Variants in CLVS1 observed in about 807,000 individuals in gnomAD.
CLVS1 encodes the protein clavesin 1.
In CLVS1, 10 loss-of-function variants were observed where a neutral mutation model predicts 33.1. The ratio of observed to expected loss-of-function variants is 0.30; its 90% CI spans 0.19 to 0.51. CLVS1 has a LOEUF of 0.51. Among genes scored for constraint, CLVS1 ranks in the 20% least tolerant of loss-of-function variants. CLVS1 has a pLI of 0.97. For synonymous variants in CLVS1, 163 were observed against 166.1 expected (o/e 0.98, Z 0.14); for missense variants, 343 against 433.4 (o/e 0.79, Z 1.85).
Position 61,136,969 on chromosome 8 carries a change from A to C in CLVS1, c.-152+5109A>C, listed in dbSNP as rs528646432. On this transcript the variant is annotated intron_variant, in intron 2 of 2. Coordinates refer to the CLVS1 transcript ENST00000522621. ...CTGGCTCCTGATGAAGTGTGGTGTC[A>C]TGGAAGAGAATGTGATCAATGAGGA... Among the ~76,000 whole-genome samples, 11 of 152,336 alleles carry C rather than the reference A, an allele frequency of 7.2e-5. No individual in the cohort carries two copies. In the Middle Eastern group the frequency reaches 0.01, roughly 141 times the overall value.
At chr8:61,422,500 A>C (rs1294930026) in intron 3 of CLVS1, among the ~76,000 whole-genome samples, 1 of 152,206 alleles carries the variant, frequency 6.6e-6, no homozygotes, top group Non-Finnish European at 1.5e-5. Context: ...CTTGATAAAA[A>C]ATTATCCTTA....
At chr8:61,233,501 C>T (rs560068724) in intron 2 of CLVS1, among the ~76,000 whole-genome samples, 528 of 133,662 alleles carry the variant, frequency 4.0e-3, no homozygotes, top group African/African-American at 0.013. Context: ...AAAAGACAGA[C>T]TCTGTATCAA....
At position 61,208,995 on chromosome 8, in the gene CLVS1, A is replaced by G. The variant is rs190760076; in HGVS notation, c.-152+77135A>G. On this transcript the variant is annotated intron_variant, in intron 2 of 2. Coordinates refer to the CLVS1 transcript ENST00000522621. Reference sequence around the variant, plus strand: ...AAAATAGTGTAAAAGACACAAAGTGATTACACAAAAACTAGCCAGTTGATA... The same window carrying G: ...AAAATAGTGTAAAAGACACAAAGTGGTTACACAAAAACTAGCCAGTTGATA... Among the ~76,000 whole-genome samples the G allele has an allele frequency of 8.5e-5, 13 of 152,314 alleles. No individual in the cohort carries two copies. In the East Asian group the frequency reaches 2.1e-3, roughly 25 times the overall value.
the CLVS1 span, among the ~76,000 whole-genome samples, chr8:61,010,147 G>A: frequency 5.5e-4 from 83 of 152,232 alleles, no homozygotes; most frequent in South Asian, 5.0e-3. Flanking sequence ...GCCTACTCTT[G>A]CTCCATTCAC....
At chr8:61,386,557 C>A (rs990344551) in intron 3 of CLVS1, among the ~76,000 whole-genome samples, 17 of 152,186 alleles carry the variant, frequency 1.1e-4, no homozygotes, top group African/African-American at 3.9e-4. Flanking sequence ...GGTACCCAGG[C>A]AATCCTGCCA....
chr8:61,309,612 T>C (rs932793508), intron 2 of CLVS1, among the ~76,000 whole-genome samples: 2 of 152,226 alleles, frequency 1.3e-5, no homozygotes, highest in African/African-American at 2.4e-5. Flanking sequence ...CACTTGCCCT[T>C]GTTTCTGGGA....
At chr8:61,055,540 A>G (rs1804461036), upstream of CLVS1, among the ~76,000 whole-genome samples, 1 of 152,230 alleles carries the variant, frequency 6.6e-6, no homozygotes, top group Admixed American at 6.5e-5. Context: ...TGGTGCCATA[A>G]TTGAATTCTC....
At chr8:60,972,145 C>T in the CLVS1 span, among the ~76,000 whole-genome samples, 54 of 152,140 alleles carry the variant, frequency 3.5e-4, no homozygotes, top group Non-Finnish European at 7.2e-4. Context: ...CTCTCTCTCT[C>T]TCTATGCTGT....
At chr8:61,215,011 C>T (rs189221719) in intron 2 of CLVS1, among the ~76,000 whole-genome samples, 157 of 152,246 alleles carry the variant, frequency 1.0e-3, no homozygotes, top group African/African-American at 3.6e-3. Context: ...GCTGTAATTC[C>T]TATTGTGTAA....
chr8:61,444,313 G>A (rs1816676303), intron 3 of CLVS1, among the ~76,000 whole-genome samples: 2 of 152,000 alleles, frequency 1.3e-5, no homozygotes, highest in South Asian at 4.1e-4. Context: ...TCCTGTTGTT[G>A]GGGAAAAACA....
chr8:61,113,327 G>C (rs577900333), intron 1 of CLVS1, among the ~76,000 whole-genome samples: 2 of 152,204 alleles, frequency 1.3e-5, no homozygotes, highest in African/African-American at 4.8e-5. Context: ...CCCACAGGCT[G>C]CTGAGTCCTA....
intron 2 of CLVS1, among the ~76,000 whole-genome samples, chr8:61,353,780 G>GGAA (rs928656286): frequency 6.7e-6 from 1 of 148,460 alleles, no homozygotes; most frequent in African/African-American, 2.5e-5. Flanking sequence ...AAAACAAATA[G>GGAA]AAAATCCATG....
chr8:61,154,562 C>T (rs538871195), intron 2 of CLVS1, among the ~76,000 whole-genome samples: 5 of 152,296 alleles, frequency 3.3e-5, no homozygotes, highest in Middle Eastern at 3.4e-3. Context: ...GAGTTTGCCA[C>T]GGACTTGAGA....
the CLVS1 span, among the ~76,000 whole-genome samples, chr8:61,036,582 C>A: frequency 6.6e-6 from 1 of 152,210 alleles, no homozygotes; most frequent in Non-Finnish European, 1.5e-5. Flanking sequence ...TCTCCTCCCC[C>A]TCCTCTTCCC....
At chr8:60,976,462 A>AT in the CLVS1 span, among the ~76,000 whole-genome samples, 1 of 151,560 alleles carries the variant, frequency 6.6e-6, no homozygotes, top group Non-Finnish European at 1.5e-5. Flanking sequence ...GGCTCAAGCA[A>AT]TTTTCCTGCC....
intron 3 of CLVS1, among the ~76,000 whole-genome samples, chr8:61,431,410 A>G (rs1248194906): frequency 6.6e-6 from 1 of 152,166 alleles, no homozygotes; most frequent in East Asian, 1.9e-4. Flanking sequence ...TCTTTTTTGT[A>G]TGTGGAAACC....
chr8:61,165,105 C>G (rs1053218663), intron 2 of CLVS1, among the ~76,000 whole-genome samples: 3 of 152,228 alleles, frequency 2.0e-5, no homozygotes, highest in African/African-American at 7.2e-5. Flanking sequence ...TAGGACAAAC[C>G]CAGGCACTTA....
At chr8:61,250,370 C>G (rs1047908356) in intron 2 of CLVS1, among the ~76,000 whole-genome samples, 1 of 152,108 alleles carries the variant, frequency 6.6e-6, no homozygotes, top group Admixed American at 6.5e-5. Flanking sequence ...CAGCTTTGTT[C>G]TTTTGGCTTA....
chr8:61,236,837 C>T (rs768306022), intron 2 of CLVS1, among the ~76,000 whole-genome samples: 12 of 152,232 alleles, frequency 7.9e-5, no homozygotes, highest in East Asian at 1.9e-4. Context: ...ACAGAGCTGG[C>T]GCAGGGAATT....
Sources: allele counts gnomAD v4.1 joint callset (sites outside exome capture counted in the v4.1 genomes callset), GRCh38; gene constraint gnomAD v4.1.1; transcripts MANE v1.5; gene names NCBI Gene and HGNC (gene_info 2026-07-23, HGNC 2026-07-21).